Variants in TBCD observed in about 807,000 individuals in gnomAD.
TBCD encodes tubulin folding cofactor D, also known as tubulin-specific chaperone D.
In TBCD, 105 loss-of-function variants were observed where a neutral mutation model predicts 169.3. The observed-to-expected ratio is 0.62, with a 90% CI of 0.53 to 0.73. The LOEUF is 0.73. TBCD is among the 30% of genes least tolerant of loss of function. The pLI is 0.00. For missense variants in TBCD, 1,444 were observed against 1,600.1 expected (o/e 0.90, Z 1.66); for synonymous variants, 700 against 643.9 (o/e 1.09, Z -1.32).
intron 35 of TBCD, 102 bp from the exon 36 acceptor site, chr17:82,937,947 C>A: frequency 6.4e-7 from 1 of 1,555,342 alleles, no homozygotes; most frequent in Non-Finnish European, 8.7e-7. Context: ...GCTCACGGAT[C>A]TGCTCTGCCC....
At chr17:82,769,585 C>G (rs955478772) in intron 5 of TBCD, among the ~76,000 whole-genome samples, 6 of 152,106 alleles carry the variant, frequency 3.9e-5, no homozygotes, top group African/African-American at 9.7e-5. Flanking sequence ...ATAATTTAAC[C>G]TATACATTGG....
rs1433243268 is a variant in TBCD, at chr17:82,764,638, CTG to C, written c.333+579_333+580del. ...CCAGCCTGAGTGACAGAGCGAGACT[CTG>C]TGGAAATGGAAGTGCTTCTCACACT... On this transcript the variant is annotated intron_variant, in intron 3 of 38. Transcript: ENST00000355528. 5.3e-5 allele frequency among the ~76,000 whole-genome samples: 8 copies of C among 152,356 alleles called. No homozygotes were observed. In the South Asian group the frequency reaches 1.0e-3, roughly 20 times the overall value.
At chr17:82,882,287 C>T (rs1242256410) in intron 14 of TBCD, among the ~76,000 whole-genome samples, 3 of 152,258 alleles carry the variant, frequency 2.0e-5, no homozygotes, top group Admixed American at 2.0e-4. Flanking sequence ...CTCCTTCAGT[C>T]TGTGCCCAGC....
intron 23 of TBCD, chr17:82,914,213 C>T (rs896785868): frequency 1.1e-4 from 17 of 152,504 alleles, no homozygotes; most frequent in African/African-American, 3.8e-4. Context: ...TTGGCGTCTT[C>T]ACGCCATCCG....
chr17:82,768,614 G>A (rs766205310), intron 5 of TBCD, 48 bp downstream of exon 5: 10 of 1,596,520 alleles, frequency 6.3e-6, no homozygotes, highest in Admixed American at 1.7e-5. Context: ...TCACTTTCAT[G>A]TTCATGCTGT....
intron 20 of TBCD, among the ~76,000 whole-genome samples, chr17:82,907,035 A>G (rs1012743293): frequency 2.0e-5 from 3 of 152,222 alleles, no homozygotes; most frequent in African/African-American, 7.2e-5. Flanking sequence ...AGGGAAGCAC[A>G]TTTGAGCCTC....
At chr17:82,781,296 T>C (rs1469201279) in intron 6 of TBCD, among the ~76,000 whole-genome samples, 2 of 2,180 alleles carry the variant, frequency 9.2e-4, no homozygotes, top group African/African-American at 3.8e-3. Context: ...CAGGTAAAAC[T>C]GGGGGGGTGG....
chr17:82,872,911 C>A (rs1013990648), intron 14 of TBCD, among the ~76,000 whole-genome samples: 3 of 118,420 alleles, frequency 2.5e-5, no homozygotes, highest in Non-Finnish European at 1.8e-5. Context: ...GAGCCAGGCC[C>A]GGCACCTCGT....
intron 13 of TBCD, chr17:82,830,217 C>T (rs2053354423): frequency 6.2e-7 from 1 of 1,614,264 alleles, no homozygotes; most frequent in Non-Finnish European, 8.5e-7. Flanking sequence ...TAGCTCCTTG[C>T]TGGGATTTTC....
At chr17:82,816,300 T>C (rs958262633) in intron 13 of TBCD, among the ~76,000 whole-genome samples, 1 of 152,248 alleles carries the variant, frequency 6.6e-6, no homozygotes, top group Non-Finnish European at 1.5e-5. Flanking sequence ...CATCAGCTGA[T>C]GTACATCTGG....
chr17:82,808,228 A>G (rs2051127173), intron 11 of TBCD, among the ~76,000 whole-genome samples: 1 of 152,126 alleles, frequency 6.6e-6, no homozygotes, highest in African/African-American at 2.4e-5. Flanking sequence ...CTGTGCAGGG[A>G]CAGCGATACA....
At chr17:82,771,919 G>A (rs1254165090) in intron 5 of TBCD, among the ~76,000 whole-genome samples, 1 of 133,718 alleles carries the variant, frequency 7.5e-6, no homozygotes, top group Non-Finnish European at 1.6e-5. Flanking sequence ...GCAAGACTCC[G>A]TCTCAAAAAA....
chr17:82,886,921 C>T lies in TBCD; in HGVS notation c.1533+2719C>T, dbSNP rs564225677. ...CTGACCTGAAGTGATCTGCCTGCCTCGGCTCCCAAAGTGCTGGGATTACAG... is the reference window on the plus strand; with the variant it reads ...CTGACCTGAAGTGATCTGCCTGCCTTGGCTCCCAAAGTGCTGGGATTACAG... On this transcript the variant is annotated intron_variant, in intron 15 of 38. Transcript: ENST00000355528. Among the ~76,000 whole-genome samples the T allele has an allele frequency of 6.6e-4, 100 of 151,414 alleles. 1 individual carries two copies. Among genetic ancestry groups the T allele is most frequent in the Non-Finnish European group, 5.3e-4 (36 of 67,796 alleles).
At chr17:82,850,131 T>C (rs762983315) in intron 13 of TBCD, among the ~76,000 whole-genome samples, 4,286 of 18,626 alleles carry the variant, frequency 0.23, 637 homozygotes, top group Admixed American at 0.3. Context: ...GGCTGTGTTG[T>C]TGTTGGCTGT....
At chr17:82,818,611 A>G (rs2052137355) in intron 13 of TBCD, among the ~76,000 whole-genome samples, 2 of 151,732 alleles carry the variant, frequency 1.3e-5, no homozygotes, top group Non-Finnish European at 2.9e-5. Context: ...GAACAAACAA[A>G]CACACACACA....
In TBCD at chr17:82,806,118, G is replaced by A. The variant is rs1311179664; in HGVS notation, c.1087+107G>A. 5.5e-6 allele frequency: 8 copies of A among 1,463,764 alleles called. No individual in the cohort carries two copies. The highest frequency in any genetic ancestry group is 7.4e-6 in the Non-Finnish European group (8 of 1,085,724). 90.7% of individuals were successfully genotyped at this position (1,463,764 alleles called of 1,614,324 possible). A position where few individuals can be genotyped will look rare whatever the true frequency, so the allele number is the denominator to read the frequency against. ...TTCCTTGCTGGTGCCGGCACTGTCT[G>A]GCCACCCGTCCCCTTCGCTGAGTGC... On this transcript the variant is annotated intron_variant, in intron 10 of 38. Transcript: ENST00000355528. The surrounding 1 kb of genome is among the most constrained non-coding windows in gnomAD (Gnocchi z 5.1).
Position 82,930,189 on chromosome 17 carries a change from G to A in TBCD, c.2992-333G>A. On this transcript the variant is annotated intron_variant, in intron 32 of 38. Transcript: ENST00000355528. This position sits in a 1 kb window ranked among gnomAD's most constrained non-coding sequence, Gnocchi z 5.2. ...GGGCCCCGAGACATTCTGCACTCGGGAATTGCGGGGATTATCAAATCCCGC... is the reference window on the plus strand; with the variant it reads ...GGGCCCCGAGACATTCTGCACTCGGAAATTGCGGGGATTATCAAATCCCGC... The A allele has an allele frequency of 2.9e-6, 1 of 349,604 alleles. No individual in the cohort carries two copies. Among genetic ancestry groups the A allele is most frequent in the Non-Finnish European group, 5.3e-6 (1 of 187,724 alleles). The allele number at this position is 349,604 out of a possible 1,614,324, so 21.7% of individuals were successfully genotyped here. A position where few individuals can be genotyped will look rare whatever the true frequency, so the allele number is the denominator to read the frequency against.
chr17:82,925,202 C>T, intron 27 of TBCD, 145 bp downstream of exon 27: 1 of 696,218 alleles, frequency 1.4e-6, no homozygotes, highest in Non-Finnish European at 2.4e-6. Flanking sequence ...CACCTGTGGC[C>T]AGGAGGAAGG....
intron 13 of TBCD, chr17:82,829,486 C>T (rs938162880): frequency 2.0e-5 from 3 of 153,168 alleles, no homozygotes; most frequent in African/African-American, 7.2e-5. Flanking sequence ...CCTTATGGTT[C>T]ATATGAGTTT....
Sources: gnomAD v4.1 joint callset for allele counts (sites outside exome capture counted in the v4.1 genomes callset) on GRCh38, gnomAD v4.1.1 for gene constraint, Gnocchi (gnomAD v3.1) non-coding constraint, MANE v1.5 for transcripts, NCBI Gene and HGNC (gene_info 2026-07-23, HGNC 2026-07-21) for gene names.